PLD5: variants seen among roughly 807,000 people sequenced by gnomAD.
PLD5 encodes phospholipase D family member 5.
A neutral mutation model predicts 61.1 loss-of-function variants in PLD5; 36 were observed. The ratio of observed to expected loss-of-function variants is 0.59; its 90% CI spans 0.45 to 0.78. The LOEUF (loss-of-function observed/expected upper bound fraction) is 0.78, where lower values mean the gene tolerates loss of function less well. PLD5 is among the 30% of genes least tolerant of loss of function. The pLI, the probability that PLD5 is intolerant of heterozygous loss-of-function variation, is 0.00. For synonymous variants in PLD5, 243 were observed against 242.8 expected, an observed-to-expected ratio of 1.00 and a Z score of -0.01; for missense variants, 515 against 644.4, an observed-to-expected ratio of 0.80 and a Z score of 2.17.
chr1:242,210,225 G>C (rs1433981771), intron 5 of PLD5: 2 of 152,236 alleles, frequency 1.3e-5, no homozygotes, highest in Non-Finnish European at 2.9e-5. Context: ...AAAATTAAAA[G>C]TGCCACTCCA....
chr1:242,309,478 A>G (rs1019230162), intron 2 of PLD5, among the ~76,000 whole-genome samples: 3 of 151,408 alleles, frequency 2.0e-5, no homozygotes, highest in Non-Finnish European at 2.9e-5. Flanking sequence ...GGTTCAAGCA[A>G]TTCTCCCACC....
intron 1 of PLD5, among the ~76,000 whole-genome samples, chr1:242,510,700 C>G (rs369209030): frequency 6.6e-6 from 1 of 152,036 alleles, no homozygotes; most frequent in East Asian, 1.9e-4. Flanking sequence ...AAGAAAATAG[C>G]TGGGCGGGGT....
chr1:242,231,443 G>A (rs566722619), intron 4 of PLD5, among the ~76,000 whole-genome samples: 3 of 152,258 alleles, frequency 2.0e-5, no homozygotes, highest in Admixed American at 6.5e-5. Flanking sequence ...AGCCAACATC[G>A]TTCTCTTTAC....
chr1:242,386,391 A>T (rs928968569), intron 1 of PLD5, among the ~76,000 whole-genome samples: 7 of 152,316 alleles, frequency 4.6e-5, no homozygotes, highest in Admixed American at 2.0e-4. Context: ...CCGTGTGAGC[A>T]TCAGTAACAG....
chr1:242,418,901 A>G (rs1664973984), intron 1 of PLD5, among the ~76,000 whole-genome samples: 1 of 152,232 alleles, frequency 6.6e-6, no homozygotes, highest in African/African-American at 2.4e-5. Flanking sequence ...CAAATGGAAT[A>G]GTAATCTCCA....
At chr1:242,431,262 A>C (rs1200160557) in intron 1 of PLD5, among the ~76,000 whole-genome samples, 1 of 152,208 alleles carries the variant, frequency 6.6e-6, no homozygotes, top group Non-Finnish European at 1.5e-5. Flanking sequence ...TTTTGGTGTA[A>C]AAGTTGCTGC....
At chr1:242,430,366 A>C (rs1039532) in intron 1 of PLD5, among the ~76,000 whole-genome samples, 39,827 of 152,006 alleles carry the variant, frequency 0.26, 5,535 homozygotes, top group Admixed American at 0.31. Flanking sequence ...GGCAGAGAGA[A>C]AAAGAGCTCT....
At chr1:242,153,240 C>A (rs1035015474) in intron 5 of PLD5, among the ~76,000 whole-genome samples, 2 of 151,886 alleles carry the variant, frequency 1.3e-5, no homozygotes, top group East Asian at 1.9e-4. Flanking sequence ...TTTGTAGATT[C>A]TGGATATTAG....
rs925746437 is a variant in PLD5 at position 242,370,603 on chromosome 1, C to G, written c.190-22361G>C. ...GGTGTCTCCCACCCTTCCTTCCATG[C>G]ACACCTCATTCCTGCAGTAGAGAAT... On this transcript the variant is annotated intron_variant, in intron 1 of 9. Coordinates refer to ENST00000536534, the MANE Select transcript of PLD5 (RefSeq NM_001372062.1). 1.8e-4 allele frequency among the ~76,000 whole-genome samples: 27 copies of G among 152,246 alleles called. No individual in the cohort carries two copies. In the Middle Eastern group the frequency reaches 0.01, roughly 58 times the overall value.
chr1:242,342,363 T>C (rs904145061), intron 2 of PLD5, among the ~76,000 whole-genome samples: 2 of 152,220 alleles, frequency 1.3e-5, no homozygotes, highest in African/African-American at 4.8e-5. Context: ...GGTGTTCATG[T>C]GAGAGCAGGT....
At chr1:242,150,014 A>C (rs1664817849) in intron 5 of PLD5, among the ~76,000 whole-genome samples, 1 of 151,770 alleles carries the variant, frequency 6.6e-6, no homozygotes, top group Admixed American at 6.6e-5. Context: ...TTGCAACCAA[A>C]ATTTTTGATA....
chr1:242,307,597 G>A (rs982766794), intron 2 of PLD5, among the ~76,000 whole-genome samples: 6 of 152,078 alleles, frequency 3.9e-5, no homozygotes, highest in Non-Finnish European at 8.8e-5. Flanking sequence ...AAAGTCTGGC[G>A]TGCTCAAACA....
chr1:242,366,153 TTTA>T (rs1257545530), intron 1 of PLD5, among the ~76,000 whole-genome samples: 10 of 152,212 alleles, frequency 6.6e-5, no homozygotes, highest in Admixed American at 5.2e-4. Flanking sequence ...GTCCTACTGT[TTTA>T]TGATACACTA....
At chr1:242,356,964 A>G (rs1044915620) in intron 1 of PLD5, among the ~76,000 whole-genome samples, 7 of 151,842 alleles carry the variant, frequency 4.6e-5, no homozygotes, top group African/African-American at 1.7e-4. Context: ...GTTACATACC[A>G]TGATTACAGT....
intron 1 of PLD5, among the ~76,000 whole-genome samples, chr1:242,476,850 A>T (rs1353288123): frequency 6.6e-6 from 1 of 152,214 alleles, no homozygotes; most frequent in East Asian, 1.9e-4. Flanking sequence ...TGCAGTTCAC[A>T]CATACACAGG....
intron 5 of PLD5, among the ~76,000 whole-genome samples, chr1:242,210,184 A>C (rs916793710): frequency 6.6e-6 from 1 of 152,258 alleles, no homozygotes; most frequent in African/African-American, 2.4e-5. Flanking sequence ...CAGTTTGCCA[A>C]GTTGTGAATA....
chr1:242,523,077 T>A (rs1355477927), intron 1 of PLD5, among the ~76,000 whole-genome samples: 1 of 152,142 alleles, frequency 6.6e-6, no homozygotes, highest in Non-Finnish European at 1.5e-5. Context: ...GGTGCAGCAG[T>A]TGGAAATGCG....
chr1:242,168,372 GC>G (rs1666476688), intron 5 of PLD5, among the ~76,000 whole-genome samples: 2 of 152,340 alleles, frequency 1.3e-5, no homozygotes, highest in South Asian at 4.1e-4. Flanking sequence ...CTCCACTGCA[GC>G]CTAGGCAGTG....
chr1:242,401,685 C>T (rs1022882096), intron 1 of PLD5, among the ~76,000 whole-genome samples: 5 of 152,310 alleles, frequency 3.3e-5, no homozygotes, highest in African/African-American at 1.2e-4. Flanking sequence ...CTGTTCTGAT[C>T]TCTGCTCAAA....
Sources: gnomAD v4.1 joint callset for allele counts (sites outside exome capture counted in the v4.1 genomes callset) on GRCh38, gnomAD v4.1.1 for gene constraint, MANE v1.5 for transcripts, NCBI Gene and HGNC (gene_info 2026-07-23, HGNC 2026-07-21) for gene names.